SPOCK3: variants seen among roughly 807,000 people sequenced by gnomAD.
SPOCK3 encodes the protein testican-3.
In SPOCK3, 30 loss-of-function variants were observed where a neutral mutation model predicts 56.6. The observed-to-expected ratio is 0.53, with a 90% CI of 0.40 to 0.72. The LOEUF is 0.72. Ranked by LOEUF, SPOCK3 falls within the 30% of genes least tolerant of loss-of-function variation. The pLI, the probability that SPOCK3 is intolerant of heterozygous loss-of-function variation, is 0.00. For synonymous variants in SPOCK3, 196 were observed against 183.3 expected (o/e 1.07, Z -0.56); for missense variants, 527 against 530.0 (o/e 0.99, Z 0.06).
At chr4:166,800,671 T>C (rs1742487729) in intron 6 of SPOCK3, among the ~76,000 whole-genome samples, 1 of 152,208 alleles carries the variant, frequency 6.6e-6, no homozygotes. Context: ...CAGTGTACAA[T>C]GTGCTTGCAT....
chr4:166,967,325 A>ATT (rs1744849515), intron 4 of SPOCK3, among the ~76,000 whole-genome samples: 1 of 152,108 alleles, frequency 6.6e-6, no homozygotes, highest in Non-Finnish European at 1.5e-5. Flanking sequence ...CATTGTGCCC[A>ATT]TTGTTATAGT....
intron 4 of SPOCK3, among the ~76,000 whole-genome samples, chr4:166,983,103 CT>C (rs1746772029): frequency 1.3e-5 from 2 of 152,192 alleles, no homozygotes; most frequent in African/African-American, 4.8e-5. Flanking sequence ...ACTTTCAGGA[CT>C]TTTTCCACGT....
chr4:167,229,156 G>A (rs1736885806), intron 2 of SPOCK3, among the ~76,000 whole-genome samples: 1 of 152,114 alleles, frequency 6.6e-6, no homozygotes, highest in Non-Finnish European at 1.5e-5. Flanking sequence ...ATCCATTATT[G>A]AGAAAGCATT....
At chr4:166,770,621 AT>A (rs1269272281) in intron 7 of SPOCK3, among the ~76,000 whole-genome samples, 1 of 152,306 alleles carries the variant, frequency 6.6e-6, no homozygotes, top group Admixed American at 6.5e-5. Context: ...GAAAAAGAAA[AT>A]AACAGCAATA....
At position 167,077,910 on chromosome 4, in the gene SPOCK3, C is replaced by T. The variant is rs565210550; in HGVS notation, c.190-15373G>A. Among the ~76,000 whole-genome samples the T allele has an allele frequency of 2.1e-4, 32 of 151,920 alleles. No homozygotes were observed. In the South Asian group the frequency reaches 6.0e-3, roughly 29 times the overall value. On this transcript the variant is annotated intron_variant, in intron 2 of 10. Coordinates refer to ENST00000357545, the MANE Select transcript of SPOCK3 (RefSeq NM_001040159.2). ...GAGGCAACATGGAGAGGAAACGTGGCTTTAATTTAACAAATTATTCCTTTA... is the reference window on the plus strand; with the variant it reads ...GAGGCAACATGGAGAGGAAACGTGGTTTTAATTTAACAAATTATTCCTTTA...
intron 6 of SPOCK3, among the ~76,000 whole-genome samples, chr4:166,805,856 T>G (rs1743105077): frequency 6.6e-6 from 1 of 152,116 alleles, no homozygotes; most frequent in African/African-American, 2.4e-5. Flanking sequence ...ATACCATAAG[T>G]ACACGTGTCA....
chr4:166,924,649 A>G (rs1182838176), intron 4 of SPOCK3, among the ~76,000 whole-genome samples: 1 of 152,254 alleles, frequency 6.6e-6, no homozygotes, highest in African/African-American at 2.4e-5. Flanking sequence ...GCATAGAAAG[A>G]TGACTAATGA....
At chr4:167,202,807 T>C (rs1733648504) in intron 2 of SPOCK3, among the ~76,000 whole-genome samples, 1 of 151,740 alleles carries the variant, frequency 6.6e-6, no homozygotes, top group Admixed American at 6.6e-5. Context: ...TCATGCATTC[T>C]TAGCTCAAAA....
chr4:167,038,242 C>CTAT (rs1752933226), intron 3 of SPOCK3, among the ~76,000 whole-genome samples: 1 of 152,074 alleles, frequency 6.6e-6, no homozygotes, highest in Non-Finnish European at 1.5e-5. Context: ...ATACTAGTGT[C>CTAT]TATATCATTA....
chr4:166,751,526 C>G (rs1736373664), intron 8 of SPOCK3, among the ~76,000 whole-genome samples: 1 of 152,012 alleles, frequency 6.6e-6, no homozygotes, highest in South Asian at 2.1e-4. Context: ...TTTCAAATAC[C>G]AGTTTATTCA....
chr4:167,118,818 C>T (rs1761633735), intron 2 of SPOCK3, among the ~76,000 whole-genome samples: 1 of 152,142 alleles, frequency 6.6e-6, no homozygotes, highest in Admixed American at 6.6e-5. Context: ...TTGTTACTTT[C>T]TTCCTAAATA....
At chr4:166,970,276 C>T (rs1025026537) in intron 4 of SPOCK3, among the ~76,000 whole-genome samples, 5 of 152,146 alleles carry the variant, frequency 3.3e-5, no homozygotes, top group African/African-American at 4.8e-5. Flanking sequence ...ACCAGGCTGA[C>T]TTACACTAGC....
At chr4:167,057,586 A>C (rs1234295318) in intron 3 of SPOCK3, among the ~76,000 whole-genome samples, 1 of 152,128 alleles carries the variant, frequency 6.6e-6, no homozygotes, top group Admixed American at 6.6e-5. Context: ...AAAAGAATGC[A>C]GGAAGATCTA....
intron 2 of SPOCK3, among the ~76,000 whole-genome samples, chr4:167,158,397 T>A (rs1033465009): frequency 2.8e-4 from 42 of 152,004 alleles, no homozygotes; most frequent in African/African-American, 9.4e-4. Context: ...TGAATACATA[T>A]ACACATTTGT....
At chr4:167,054,682 TC>T (rs1287383807) in intron 3 of SPOCK3, among the ~76,000 whole-genome samples, 1 of 152,164 alleles carries the variant, frequency 6.6e-6, no homozygotes, top group Non-Finnish European at 1.5e-5. Flanking sequence ...ACATTTTATT[TC>T]CCCAAAACTC....
At chr4:167,010,356 C>T (rs1043874897) in intron 3 of SPOCK3, among the ~76,000 whole-genome samples, 6 of 151,564 alleles carry the variant, frequency 4.0e-5, no homozygotes, top group Admixed American at 1.3e-4. Context: ...CCCATCTCTA[C>T]AAAAAGTACA....
rs192800547 is a variant in SPOCK3 at position 166,929,478 on chromosome 4, G to T, written c.351-16735C>A. Among the ~76,000 whole-genome samples the T allele has an allele frequency of 5.8e-3, 885 of 152,160 alleles. 11 individuals are homozygous for T. Among genetic ancestry groups the T allele is most frequent in the Non-Finnish European group, 6.2e-3 (419 of 67,998 alleles). On this transcript the variant is annotated intron_variant, in intron 4 of 10. Transcript: ENST00000357545. ...TTAAACTCCTTTATTTTCAAAGTTG[G>T]GATCAGTATTTTCTCCCTAGAAGAT...
At chr4:166,750,106 T>C (rs900961025) in intron 8 of SPOCK3, among the ~76,000 whole-genome samples, 2 of 152,290 alleles carry the variant, frequency 1.3e-5, no homozygotes, top group African/African-American at 4.8e-5. Flanking sequence ...CATTTTAGAA[T>C]TTCAAGAAAA....
chr4:166,857,232 C>G (rs1045778779), intron 6 of SPOCK3, among the ~76,000 whole-genome samples: 5 of 152,210 alleles, frequency 3.3e-5, no homozygotes, highest in Admixed American at 2.6e-4. Context: ...GGTCTTCACT[C>G]AACGGTCAAC....
Sources: gnomAD v4.1 joint callset for allele counts (sites outside exome capture counted in the v4.1 genomes callset) on GRCh38, gnomAD v4.1.1 for gene constraint, MANE v1.5 for transcripts, NCBI Gene and HGNC (gene_info 2026-07-23, HGNC 2026-07-21) for gene names.